Variants in FAM135B observed in about 807,000 individuals in gnomAD.
FAM135B encodes the protein family with sequence similarity 135 member B.
In FAM135B, 43 loss-of-function variants were observed where a neutral mutation model predicts 127.7. The ratio of observed to expected loss-of-function variants is 0.34; its 90% confidence interval spans 0.26 to 0.43. The LOEUF (loss-of-function observed/expected upper bound fraction) is 0.43. FAM135B is among the 20% of genes least tolerant of loss of function. The pLI, the probability that FAM135B is intolerant of heterozygous loss-of-function variation, is 1.00. For synonymous variants in FAM135B, 670 were observed against 665.1 expected (o/e 1.01, Z -0.11); for missense variants, 1,558 against 1,725.6 (o/e 0.90, Z 1.72).
Position 138,243,262 on chromosome 8 carries a change from G to A in FAM135B, c.543-194C>T, listed in dbSNP as rs1820992561. 6.6e-6 allele frequency among the ~76,000 whole-genome samples: 1 copy of A among 152,310 alleles called. No individual in the cohort carries two copies. The highest frequency in any genetic ancestry group is 2.1e-4 in the South Asian group (1 of 4,822). The stretch of plus-strand genomic sequence containing the variant: ...TAAAGAGGGTACAACTGGCACGTAA[G>A]CTTGAAAGTCAATGATGATACACAT... On this transcript the variant is annotated intron_variant, in intron 6 of 19. Transcript: ENST00000395297. The surrounding 1 kb of genome is among the most constrained non-coding windows in gnomAD (Gnocchi z 7.5).
intron 3 of FAM135B, among the ~76,000 whole-genome samples, chr8:138,273,770 C>G (rs757859847): frequency 3.9e-5 from 6 of 152,210 alleles, no homozygotes; most frequent in Non-Finnish European, 7.3e-5. Context: ...CTCACTCACT[C>G]CTGCCCCTTC....
At position 138,406,118 on chromosome 8, in the gene FAM135B, C is replaced by T. The variant is rs542535957; in HGVS notation, c.-19-38116G>A. 2.0e-5 allele frequency among the ~76,000 whole-genome samples: 3 copies of T among 149,394 alleles called. No homozygotes were observed. The South Asian group carries it at 6.4e-4, about 32-fold the overall frequency. On this transcript the variant is annotated intron_variant, in intron 1 of 19. Transcript: ENST00000395297. The stretch of plus-strand genomic sequence containing the variant: ...TCATTGTAGATTCTGGATATCAGCC[C>T]TTTGTCAGATGAGTAGGTTGCGAAA...
chr8:138,385,122 C>T (rs1030900615), intron 1 of FAM135B, among the ~76,000 whole-genome samples: 1 of 152,102 alleles, frequency 6.6e-6, no homozygotes, highest in African/African-American at 2.4e-5. Context: ...AGGCTTTTGG[C>T]CTTGACCATC....
At chr8:138,165,134 T>A (rs1819785258) in intron 12 of FAM135B, among the ~76,000 whole-genome samples, 1 of 151,888 alleles carries the variant, frequency 6.6e-6, no homozygotes, top group Non-Finnish European at 1.5e-5. Context: ...TTTTTTTTTT[T>A]TTTGAGACGG....
chr8:138,370,650 C>T lies in FAM135B; in HGVS notation c.-19-2648G>A, dbSNP rs150693248. Among the ~76,000 whole-genome samples the T allele has an allele frequency of 2.2e-3, 342 of 152,208 alleles. 1 individual carries two copies. Among genetic ancestry groups the T allele is most frequent in the African/African-American group, 8.0e-3 (332 of 41,524 alleles). The stretch of plus-strand genomic sequence containing the variant: ...TATTTTTAGTAGAGACGGGGCTTCA[C>T]TGTGTTAGCCAGGATGGTCTCGATC... On this transcript the variant is annotated intron_variant, in intron 1 of 19. Transcript: ENST00000395297.
chr8:138,282,826 C>T (rs1463436818), intron 3 of FAM135B, among the ~76,000 whole-genome samples: 1 of 152,220 alleles, frequency 6.6e-6, no homozygotes, highest in Non-Finnish European at 1.5e-5. Flanking sequence ...AGTTGCACTC[C>T]TTGGCATTTA....
At chr8:138,174,486 T>C (rs1169598670) in intron 11 of FAM135B, among the ~76,000 whole-genome samples, 4 of 152,176 alleles carry the variant, frequency 2.6e-5, no homozygotes, top group Non-Finnish European at 5.9e-5. Context: ...ACTTTGTACC[T>C]TTTCTCTAGC....
chr8:138,144,643 T>C (rs115267890), intron 15 of FAM135B, among the ~76,000 whole-genome samples: 573 of 152,288 alleles, frequency 3.8e-3, no homozygotes, highest in African/African-American at 0.013. Flanking sequence ...TAAATCTATA[T>C]TAACATATAC....
At chr8:138,198,200 C>G (rs1442926667) in intron 7 of FAM135B, among the ~76,000 whole-genome samples, 1 of 152,176 alleles carries the variant, frequency 6.6e-6, no homozygotes, top group East Asian at 1.9e-4. Context: ...TTATAAAGGG[C>G]AGTTCCCCTG....
intron 3 of FAM135B, among the ~76,000 whole-genome samples, chr8:138,297,608 C>T (rs952106765): frequency 1.3e-5 from 2 of 152,074 alleles, no homozygotes; most frequent in Admixed American, 1.3e-4. Flanking sequence ...CTGAAAGACC[C>T]CTAAAAGTCT....
At position 138,142,986 on chromosome 8, in the gene FAM135B, A is replaced by G. The variant is rs564936453; in HGVS notation, c.3638+26T>C. ...AAAATGTCCCCCCTCTTCCCCCAGC[A>G]TTAACTACCTGTGGTTTCCTTTTAC... On this transcript the variant is annotated intron_variant, in intron 16 of 19. Transcript: ENST00000395297. 5 of 1,249,380 alleles carry G rather than the reference A, an allele frequency of 4.0e-6. No individual in the cohort carries two copies. In the African/African-American group the frequency reaches 4.4e-5, roughly 11 times the overall value. The allele number at this position is 1,249,380 out of a possible 1,614,324, so 77.4% of individuals were successfully genotyped here.
chr8:138,482,870 C>T (rs1188084386), intron 1 of FAM135B, among the ~76,000 whole-genome samples: 1 of 152,120 alleles, frequency 6.6e-6, no homozygotes, highest in African/African-American at 2.4e-5. Flanking sequence ...GAGATACCCA[C>T]ATTTTTAGAA....
intron 3 of FAM135B, among the ~76,000 whole-genome samples, chr8:138,280,574 T>C (rs1352157553): frequency 6.6e-6 from 1 of 152,152 alleles, no homozygotes; most frequent in Admixed American, 6.5e-5. Flanking sequence ...TATTTGCATG[T>C]CTGTATGAGT....
At chr8:138,282,320 G>T (rs1824326386) in intron 3 of FAM135B, among the ~76,000 whole-genome samples, 1 of 152,026 alleles carries the variant, frequency 6.6e-6, no homozygotes. Flanking sequence ...GAGAAGAACT[G>T]ATAAGCTAGA....
chr8:138,162,447 A>G (rs978284463), intron 12 of FAM135B, among the ~76,000 whole-genome samples: 1 of 152,176 alleles, frequency 6.6e-6, no homozygotes, highest in Non-Finnish European at 1.5e-5. Context: ...CAAACTAGGA[A>G]CTTTGGGTGA....
chr8:138,215,703 G>T (rs935702246), intron 7 of FAM135B, among the ~76,000 whole-genome samples: 1 of 152,190 alleles, frequency 6.6e-6, no homozygotes, highest in African/African-American at 2.4e-5. Flanking sequence ...TGCATTAATT[G>T]ATACATCAAT....
Position 138,265,847 on chromosome 8 carries a change from A to C in FAM135B, c.158-5T>G, listed in dbSNP as rs1252562249. 1 of 1,612,912 alleles carries C rather than the reference A, an allele frequency of 6.2e-7. No individual in the cohort carries two copies. The highest frequency in any genetic ancestry group is 8.5e-7 in the Non-Finnish European group (1 of 1,179,756). ...CTGAATGCAGGCTGCTGCTCTCTGC[A>C]AAACAAGAATCAGTAGGAACCCATG... On this transcript the variant is annotated splice_region_variant and splice_polypyrimidine_tract_variant and intron_variant, in intron 3 of 19. Transcript: ENST00000395297.
chr8:138,204,114 C>G (rs1212147178), intron 7 of FAM135B, among the ~76,000 whole-genome samples: 5 of 152,192 alleles, frequency 3.3e-5, no homozygotes, highest in African/African-American at 1.2e-4. Context: ...AGGCCACAGG[C>G]CAGTACCTGT....
intron 2 of FAM135B, chr8:138,367,468 A>G (rs887638329): frequency 2.2e-6 from 1 of 457,296 alleles, no homozygotes; most frequent in Admixed American, 2.4e-5. Context: ...GCAAATACCA[A>G]CCTTATCAGT....
Sources: gnomAD v4.1 joint callset for allele counts (sites outside exome capture counted in the v4.1 genomes callset) on GRCh38, gnomAD v4.1.1 for gene constraint, Gnocchi (gnomAD v3.1) non-coding constraint, MANE v1.5 for transcripts, NCBI Gene and HGNC (gene_info 2026-07-23, HGNC 2026-07-21) for gene names.